CLPP: variants seen among roughly 807,000 people sequenced by gnomAD.
The protein encoded by CLPP is ATP-dependent Clp protease proteolytic subunit, mitochondrial.
A neutral mutation model predicts 27.4 loss-of-function variants in CLPP; 14 were observed. The ratio of observed to expected loss-of-function variants is 0.51; its 90% CI spans 0.34 to 0.80. CLPP has a LOEUF of 0.80. Ranked by LOEUF, CLPP falls within the 30% of genes least tolerant of loss-of-function variation. CLPP has a pLI of 0.02. For synonymous variants in CLPP, 193 were observed against 166.6 expected (o/e 1.16, Z -1.22); for missense variants, 361 against 403.6 (o/e 0.89, Z 0.90).
chr19:6,361,793 C>A, intron 1 of CLPP, 21 bp downstream of exon 1: 2 of 1,563,560 alleles, frequency 1.3e-6, no homozygotes. Flanking sequence ...CGGGCGGGGA[C>A]ACGGTTCGGG....
intron 2 of CLPP, 175 bp downstream of exon 2, chr19:6,362,115 C>G (rs998469086): frequency 8.0e-6 from 5 of 624,540 alleles, no homozygotes; most frequent in African/African-American, 7.4e-5. Flanking sequence ...CGCTCCTCAC[C>G]CCTTCTCTGC....
intron 3 of CLPP, among the ~76,000 whole-genome samples, chr19:6,364,155 G>A (rs8113310): frequency 1.3e-5 from 2 of 150,080 alleles, no homozygotes; most frequent in Admixed American, 6.7e-5. Flanking sequence ...CTCAGCCTCC[G>A]GAATAGCTGG....
chr19:6,364,452 G>A lies in CLPP; in HGVS notation c.368G>A (p.Gly123Asp), dbSNP rs1454337407. 1.9e-6 allele frequency: 3 copies of A among 1,606,016 alleles called. No individual in the cohort carries two copies. The highest frequency in any genetic ancestry group is 2.5e-6 in the Non-Finnish European group (3 of 1,177,696). ...CCCTCACTTGCTCCCCCGCCCACAG[G>A]TGGTGTGGTGACCGCGGGCCTGGCC... ...KPIHMYINSP[G>D]GVVTAGLAIY... The change falls in exon 4 of 6, where the codon GGT becomes GAT. Residue 123 changes from glycine to aspartate, a missense_variant and splice_region_variant. Physicochemically the swap from Gly to Asp is moderately conservative, Grantham distance 94. Around this residue, in one of 2 missense-constraint regions of CLPP, gnomAD observed 213 missense variants for 280.9 expected, o/e 0.76. Transcript: ENST00000245816.
chr19:6,362,303 C>G (rs1236686389), intron 2 of CLPP, 143 bp from the exon 3 acceptor site: 2 of 650,612 alleles, frequency 3.1e-6, no homozygotes, highest in African/African-American at 3.6e-5. Flanking sequence ...TCTCCCCATC[C>G]CCTTCTGGGG....
At chr19:6,364,730 TG>T (rs139109663) in intron 4 of CLPP, 91 bp downstream of exon 4, 33,637 of 1,196,898 alleles carry the variant, frequency 0.028, 217 homozygotes, top group Non-Finnish European at 0.033. Flanking sequence ...TGGGAGGGGA[TG>T]TTTTTTTTTT....
chr19:6,365,840 G>A (rs1441722016), intron 4 of CLPP, among the ~76,000 whole-genome samples: 4 of 150,628 alleles, frequency 2.7e-5, no homozygotes, highest in Non-Finnish European at 5.9e-5. Flanking sequence ...AAGGCGGCCA[G>A]GCATGGTGGC....
rs2145051161 is a variant in CLPP at position 6,364,550 on chromosome 19, T to C, written c.466T>C (p.Ser156Pro). The change falls in exon 4 of 6, where the codon TCC becomes CCC. Residue 156 changes from serine to proline, a missense_variant. Ser to Pro is a moderately conservative substitution (Grantham distance 74). Around this residue, in one of 2 missense-constraint regions of CLPP, gnomAD observed 213 missense variants for 280.9 expected, o/e 0.76. Coordinates refer to ENST00000245816, the MANE Select transcript of CLPP (RefSeq NM_006012.4). ...WCVGQAASMGSLLLAAGTPGM... is the reference protein window; with the variant it reads ...WCVGQAASMGPLLLAAGTPGM... Reference sequence around the variant, plus strand: ...CGTGGGCCAGGCCGCCAGCATGGGCTCCCTGCTTCTCGCCGCCGGCACCCC... The same window carrying C: ...CGTGGGCCAGGCCGCCAGCATGGGCCCCCTGCTTCTCGCCGCCGGCACCCC... 6.2e-7 allele frequency: 1 copy of C among 1,612,888 alleles called. No individual in the cohort carries two copies. Among genetic ancestry groups the C allele is most frequent in the Non-Finnish European group, 8.5e-7 (1 of 1,179,832 alleles).
intron 3 of CLPP, among the ~76,000 whole-genome samples, chr19:6,364,177 C>T (rs1357941509): frequency 6.6e-6 from 1 of 151,582 alleles, no homozygotes; most frequent in Non-Finnish European, 1.5e-5. Context: ...ACTACAGGCA[C>T]CCGCCACCAC....
In CLPP at chr19:6,364,487, A is replaced by T. The variant is rs770218940; in HGVS notation, c.403A>T (p.Thr135Ser). 5 of 1,611,254 alleles carry T rather than the reference A, an allele frequency of 3.1e-6. No individual in the cohort carries two copies. In the South Asian group the frequency reaches 5.5e-5, roughly 18 times the overall value. Residue 135 changes from threonine to serine, a missense_variant, in exon 4 of 6, where the codon ACG becomes TCG. Transcript: ENST00000245816. ...GACCGCGGGCCTGGCCATCTACGAC[A>T]CGATGCAGTACATCCTCAACCCGAT... ...VVTAGLAIYD[T>S]MQYILNPICT... is the part of the protein sequence containing the mutation.
At chr19:6,367,676 T>A (rs1010645417) in intron 5 of CLPP, among the ~76,000 whole-genome samples, 9 of 151,962 alleles carry the variant, frequency 5.9e-5, no homozygotes, top group African/African-American at 2.2e-4. Context: ...ACCAGACATT[T>A]ACGAATCATG....
chr19:6,366,733 G>A (rs1053076179), intron 5 of CLPP, among the ~76,000 whole-genome samples: 1 of 151,846 alleles, frequency 6.6e-6, no homozygotes, highest in Non-Finnish European at 1.5e-5. Context: ...CTGCCTCCTG[G>A]GCTCAAGCAA....
chr19:6,362,305 C>G, intron 2 of CLPP, 141 bp from the exon 3 acceptor site: 1 of 656,984 alleles, frequency 1.5e-6, no homozygotes, highest in Non-Finnish European at 2.7e-6. Context: ...TCCCCATCCC[C>G]TTCTGGGGCC....
chr19:6,364,191 C>A, intron 3 of CLPP, among the ~76,000 whole-genome samples: 1 of 151,872 alleles, frequency 6.6e-6, no homozygotes, highest in Admixed American at 6.6e-5. Flanking sequence ...CCACCACGCC[C>A]GGCTAATTTT....
chr19:6,368,583 A>G lies in CLPP; in HGVS notation c.707A>G (p.Gln236Arg). The G allele has an allele frequency of 6.2e-7, 1 of 1,614,034 alleles. No individual in the cohort carries two copies. The highest frequency in any genetic ancestry group is 1.1e-5 in the South Asian group (1 of 91,040). ...RDRYMSPMEA[Q>R]EFGILDKVLV... ...CGCTACATGAGCCCCATGGAGGCCC[A>G]GGAGTTTGGCATCTTAGACAAGGTT... Residue 236 changes from glutamine to arginine, a missense_variant, in exon 6 of 6, where the codon CAG becomes CGG. Gln to Arg is a conservative substitution (Grantham distance 43). Transcript: ENST00000245816.
chr19:6,363,383 A>G (rs968074847), intron 3 of CLPP, among the ~76,000 whole-genome samples: 2 of 152,036 alleles, frequency 1.3e-5, no homozygotes, highest in African/African-American at 2.4e-5. Context: ...TCAGCCTCCC[A>G]AAGTGCTGGG....
chr19:6,368,033 A>G (rs2091871003), intron 5 of CLPP, among the ~76,000 whole-genome samples: 1 of 152,132 alleles, frequency 6.6e-6, no homozygotes, highest in Non-Finnish European at 1.5e-5. Flanking sequence ...GCCTGGCCCA[A>G]TAACAATTTT....
chr19:6,362,666 G>C (rs749877784), intron 3 of CLPP, 124 bp downstream of exon 3: 1 of 710,110 alleles, frequency 1.4e-6, no homozygotes, highest in Non-Finnish European at 2.4e-6. Context: ...CAGAGTTCCA[G>C]AAGTGGCTTT....
rs555403087 is a variant in CLPP, at chr19:6,365,996, G to GCTGAGA, written c.556-260_556-255dup. On this transcript the variant is annotated intron_variant, in intron 4 of 5. Coordinates refer to ENST00000245816, the MANE Select transcript of CLPP (RefSeq NM_006012.4). ...CAAACAAAAAAAAGGCTTAGCTAAT[G>GCTGAGA]CTGAGACAGAGAGACACTGTTCCTC... is the stretch of plus-strand genomic sequence containing the variant. Among the ~76,000 whole-genome samples, 475 of 151,974 alleles carry GCTGAGA rather than the reference G, an allele frequency of 3.1e-3. 1 individual carries two copies. Among genetic ancestry groups the GCTGAGA allele is most frequent in the Non-Finnish European group, 5.0e-3 (339 of 67,906 alleles).
Position 6,362,481 on chromosome 19 carries a change from G to A in CLPP, c.306G>A (p.Gln102=), listed in dbSNP as rs375563974. The A allele has an allele frequency of 7.6e-5, 123 of 1,613,912 alleles. No homozygotes were observed. The highest frequency in any genetic ancestry group is 1.6e-4 in the Middle Eastern group (1 of 6,084). ...GCGTTGCCAGCCTTGTTATCGCACA[G>A]CTCCTCTTCCTGCAATCCGAGAGCA... ...DDSVASLVIA[Q]LLFLQSESNK... The change falls in exon 3 of 6, where the codon CAG becomes CAA. Residue 102 remains glutamine (Q), a synonymous_variant. Coordinates refer to ENST00000245816, the MANE Select transcript of CLPP (RefSeq NM_006012.4).
Sources: gnomAD v4.1 joint callset for allele counts (sites outside exome capture counted in the v4.1 genomes callset) on GRCh38, gnomAD v4.1.1 for gene constraint, gnomAD v4.1.1 regional missense constraint, MANE v1.5 for transcripts, NCBI Gene and HGNC (gene_info 2026-07-23, HGNC 2026-07-21) for gene names.